Variants in PALLD observed in about 807,000 individuals in gnomAD.
PALLD encodes the protein palladin, cytoskeletal associated protein, also known as palladin.
In PALLD, 61 loss-of-function variants were observed where a neutral mutation model predicts 123.5. The observed-to-expected ratio is 0.49, with a 90% CI of 0.40 to 0.61. The LOEUF is 0.61. PALLD is among the 20% of genes least tolerant of loss of function. PALLD has a pLI of 0.00. For missense variants in PALLD, 1,273 were observed against 1,377.0 expected (o/e 0.92, Z 1.20); for synonymous variants, 465 against 496.4 (o/e 0.94, Z 0.84).
chr4:168,661,590 G>A (rs938816967), intron 2 of PALLD, among the ~76,000 whole-genome samples: 2 of 152,194 alleles, frequency 1.3e-5, no homozygotes, highest in African/African-American at 4.8e-5. Flanking sequence ...TTTTGAAGGG[G>A]CATGTACCAT....
chr4:168,877,793 C>G (rs912160002), intron 10 of PALLD: 1 of 1,224,726 alleles, frequency 8.2e-7, no homozygotes, highest in Non-Finnish European at 1.0e-6. Context: ...TCGGCAGCCT[C>G]CGCCAGCCCC....
In PALLD at chr4:168,891,034, G is replaced by A. The variant is rs746786133; in HGVS notation, c.2077G>A (p.Asp693Asn). ...GGAACGAAAACTTCGCTTCAAGGAG[G>A]ACCTCCTGAACAATGGCCAGCCGGT... ...DLERKLRFKE[D>N]LLNNGQPRLT... Residue 693 changes from aspartate to asparagine, a missense_variant, in exon 11 of 22, where the codon GAC (aspartate) becomes AAC (asparagine). By Grantham distance (23) the Asp-to-Asn change is conservative. Around this residue, in one of 2 missense-constraint regions of PALLD, gnomAD observed 944 missense variants for 954.5 expected, o/e 0.99. Transcript: ENST00000505667. 1 of 1,614,154 alleles carries A rather than the reference G, an allele frequency of 6.2e-7. No individual in the cohort carries two copies. The highest frequency in any genetic ancestry group is 1.1e-5 in the South Asian group (1 of 91,080).
chr4:168,859,433 G>C (rs1252292749), intron 10 of PALLD, among the ~76,000 whole-genome samples: 5 of 152,214 alleles, frequency 3.3e-5, no homozygotes, highest in Non-Finnish European at 5.9e-5. Flanking sequence ...CACCGACGGT[G>C]CCCCAGACAT....
chr4:168,771,085 A>AAAAAAAAAC (rs1195167673), intron 10 of PALLD, among the ~76,000 whole-genome samples: 63 of 149,686 alleles, frequency 4.2e-4, no homozygotes, highest in African/African-American at 1.5e-3. Flanking sequence ...ACAAAAAAAA[A>AAAAAAAAAC]ACCTTAGTTT....
intron 2 of PALLD, among the ~76,000 whole-genome samples, chr4:168,622,726 C>T (rs1774882888): frequency 1.3e-5 from 2 of 152,104 alleles, no homozygotes; most frequent in South Asian, 2.1e-4. Flanking sequence ...ATCTGAATAT[C>T]GATAACAATC....
chr4:168,856,441 TG>T (rs1748619310), intron 10 of PALLD, among the ~76,000 whole-genome samples: 2 of 152,232 alleles, frequency 1.3e-5, no homozygotes, highest in South Asian at 4.1e-4. Context: ...CTTTCCACAG[TG>T]GCCTAATTTA....
intron 2 of PALLD, among the ~76,000 whole-genome samples, chr4:168,518,803 T>C (rs1763254264): frequency 6.6e-6 from 1 of 152,242 alleles, no homozygotes; most frequent in Non-Finnish European, 1.5e-5. Context: ...CACTAGAATA[T>C]AAAATCCTTG....
At chr4:168,620,217 G>A (rs956161966) in intron 2 of PALLD, among the ~76,000 whole-genome samples, 2 of 152,252 alleles carry the variant, frequency 1.3e-5, no homozygotes, top group Non-Finnish European at 2.9e-5. Context: ...AGCACTTTGG[G>A]AGGCCAAGGC....
intron 10 of PALLD, among the ~76,000 whole-genome samples, chr4:168,717,274 A>G (rs1017827272): frequency 6.6e-6 from 1 of 152,178 alleles, no homozygotes; most frequent in Non-Finnish European, 1.5e-5. Context: ...AGCAGAACAA[A>G]AAAGAGGAAA....
chr4:168,590,967 C>T (rs1771361020), intron 2 of PALLD, among the ~76,000 whole-genome samples: 1 of 150,316 alleles, frequency 6.7e-6, no homozygotes, highest in Admixed American at 6.6e-5. Context: ...GCAACCTCCT[C>T]CCCCCAGGTT....
intron 2 of PALLD, among the ~76,000 whole-genome samples, chr4:168,650,826 A>G (rs1228259637): frequency 3.9e-5 from 6 of 152,108 alleles, no homozygotes; most frequent in Non-Finnish European, 8.8e-5. Context: ...TGCCCTATGC[A>G]TATCATATGT....
At chr4:168,516,013 T>C (rs1762957654) in intron 2 of PALLD, among the ~76,000 whole-genome samples, 1 of 152,170 alleles carries the variant, frequency 6.6e-6, no homozygotes, top group South Asian at 2.1e-4. Context: ...CATTTGTACT[T>C]CACATGCAGT....
intron 10 of PALLD, among the ~76,000 whole-genome samples, chr4:168,837,872 T>TA (rs1436877379): frequency 1.3e-5 from 2 of 152,208 alleles, no homozygotes; most frequent in African/African-American, 2.4e-5. Flanking sequence ...GGAGCTTATA[T>TA]GCCAGTGGAA....
chr4:168,796,884 T>C (rs968939893), intron 10 of PALLD, among the ~76,000 whole-genome samples: 1 of 152,188 alleles, frequency 6.6e-6, no homozygotes, highest in Non-Finnish European at 1.5e-5. Context: ...GAAGCTTAGC[T>C]AGAAGGAGCA....
intron 2 of PALLD, among the ~76,000 whole-genome samples, chr4:168,619,456 T>C (rs1017778409): frequency 6.6e-6 from 1 of 152,216 alleles, no homozygotes; most frequent in African/African-American, 2.4e-5. Flanking sequence ...AACAGGGAAC[T>C]GAGCTAATCC....
chr4:168,682,357 C>T (rs907933712), intron 4 of PALLD, among the ~76,000 whole-genome samples: 19 of 152,146 alleles, frequency 1.2e-4, no homozygotes, highest in Non-Finnish European at 2.6e-4. Context: ...TATTTTACCA[C>T]CCCTGGTTTT....
chr4:168,817,006 G>T (rs569061784), intron 10 of PALLD, among the ~76,000 whole-genome samples: 1 of 152,110 alleles, frequency 6.6e-6, no homozygotes, highest in Non-Finnish European at 1.5e-5. Context: ...CAGAATAGAA[G>T]TGTGTCAGGG....
At chr4:168,831,889 T>A (rs1744257869) in intron 10 of PALLD, 2 of 549,702 alleles carry the variant, frequency 3.6e-6, no homozygotes, top group Admixed American at 6.4e-5. Context: ...ACCAGAAAGA[T>A]GCAAAGGGCG....
intron 14 of PALLD, among the ~76,000 whole-genome samples, chr4:168,903,377 T>C (rs1756959940): frequency 6.6e-6 from 1 of 152,066 alleles, no homozygotes; most frequent in Non-Finnish European, 1.5e-5. Flanking sequence ...GCTGGTACAT[T>C]TGAAAAAAGA....
Sources: gnomAD v4.1 joint callset for allele counts (sites outside exome capture counted in the v4.1 genomes callset) on GRCh38, gnomAD v4.1.1 for gene constraint, gnomAD v4.1.1 regional missense constraint, MANE v1.5 for transcripts, NCBI Gene and HGNC (gene_info 2026-07-23, HGNC 2026-07-21) for gene names.